KIF13B: variants seen among roughly 807,000 people sequenced by gnomAD.
KIF13B encodes kinesin-like protein KIF13B.
KIF13B carries 127 observed loss-of-function variants against 222.0 expected under a neutral mutation model. That is an observed-to-expected ratio of 0.57 (90% CI 0.50 to 0.66). The LOEUF is 0.66. Ranked by LOEUF, KIF13B falls within the 30% of genes least tolerant of loss-of-function variation. KIF13B has a pLI of 0.00. For synonymous variants in KIF13B, 976 were observed against 919.0 expected (o/e 1.06, Z -1.12); for missense variants, 2,173 against 2,379.0 (o/e 0.91, Z 1.80).
intron 8 of KIF13B, among the ~76,000 whole-genome samples, chr8:29,178,652 T>TTAA (rs376363990): frequency 7.2e-6 from 1 of 139,074 alleles, no homozygotes; most frequent in African/African-American, 2.7e-5. Context: ...TACTTTTAGT[T>TTAA]AAAAAAAAAA....
intron 2 of KIF13B, among the ~76,000 whole-genome samples, chr8:29,243,748 G>A (rs2130644734): frequency 6.6e-6 from 1 of 152,206 alleles, no homozygotes; most frequent in East Asian, 1.9e-4. Context: ...TCTTATCTGG[G>A]TGCCACTTAT....
At chr8:29,245,285 A>G (rs999911343) in intron 2 of KIF13B, 61 bp downstream of exon 2, 1 of 1,115,416 alleles carries the variant, frequency 9.0e-7, no homozygotes, top group Non-Finnish European at 1.3e-6. Flanking sequence ...TTAATTCAGC[A>G]GCCACAGTTG....
chr8:29,117,054 C>T (rs774720314), intron 30 of KIF13B, 47 bp from the exon 31 acceptor site: 20 of 1,496,182 alleles, frequency 1.3e-5, no homozygotes, highest in Non-Finnish European at 1.8e-5. Context: ...TCTCCAGAAA[C>T]ATGAAAACTC....
rs1467204665 is a variant in KIF13B, at chr8:29,099,197, G to A, written c.4260C>T (p.Ser1420=). ...GGGCGGGGGCAGGAGCTATTCCTCT[G>A]GAAACTGTGGTTTGGGATACATCCT... The part of the protein sequence containing the change: ...SQQDVSQTTV[S]RGIAPAPALS... The change falls in exon 36 of 40, where the codon TCC becomes TCT. Residue 1420 remains serine, a synonymous_variant. Coordinates refer to ENST00000524189, the MANE Select transcript of KIF13B (RefSeq NM_015254.4). 1 of 1,613,426 alleles carries A rather than the reference G, an allele frequency of 6.2e-7. No homozygotes were observed. Among genetic ancestry groups the A allele is most frequent in the Admixed American group, 1.7e-5 (1 of 59,966 alleles).
chr8:29,095,885 A>C (rs1404450404), intron 36 of KIF13B, among the ~76,000 whole-genome samples: 1 of 152,260 alleles, frequency 6.6e-6, no homozygotes, highest in Non-Finnish European at 1.5e-5. Flanking sequence ...ATAATCTGAA[A>C]AAAACAAAAC....
intron 4 of KIF13B, chr8:29,190,474 G>A (rs181724221): frequency 1.0e-4 from 16 of 154,288 alleles, no homozygotes; most frequent in African/African-American, 3.9e-4. Context: ...AAGCTCCTGC[G>A]CTTGGGACCC....
At chr8:29,152,035 G>A (rs1036258702) in intron 14 of KIF13B, among the ~76,000 whole-genome samples, 2 of 152,200 alleles carry the variant, frequency 1.3e-5, no homozygotes, top group African/African-American at 4.8e-5. Context: ...TTTGGAAGGA[G>A]TCCAATCATC....
Position 29,160,901 on chromosome 8 carries a change from A to C in KIF13B, c.1270-34T>G, listed in dbSNP as rs192345065. On this transcript the variant is annotated intron_variant, in intron 12 of 39. Transcript: ENST00000524189. ...GTTATCAGAGAAGTATTAATTTCAC[A>C]GCTATTGAGGCAGTGAGATATCCAA... 6.3e-5 allele frequency: 100 copies of C among 1,595,006 alleles called. No individual in the cohort carries two copies. In the African/African-American group the frequency reaches 1.2e-3, roughly 19 times the overall value.
At chr8:29,255,588 ACCTACC>A (rs2130689830) in intron 1 of KIF13B, among the ~76,000 whole-genome samples, 1 of 152,142 alleles carries the variant, frequency 6.6e-6, no homozygotes, top group African/African-American at 2.4e-5. Context: ...AAAAAAAGGT[ACCTACC>A]CCTCCAGGTA....
intron 2 of KIF13B, among the ~76,000 whole-genome samples, chr8:29,231,009 T>C (rs1815260896): frequency 6.6e-6 from 1 of 152,072 alleles, no homozygotes; most frequent in Non-Finnish European, 1.5e-5. Context: ...GCCTCCCAAG[T>C]AGCTGGGACT....
intron 2 of KIF13B, among the ~76,000 whole-genome samples, chr8:29,209,289 G>A (rs890911500): frequency 6.6e-6 from 1 of 152,176 alleles, no homozygotes; most frequent in Non-Finnish European, 1.5e-5. Flanking sequence ...CAGGCTCATG[G>A]AGGGCGAGAA....
intron 37 of KIF13B, among the ~76,000 whole-genome samples, chr8:29,083,683 T>C (rs1178594070): frequency 6.6e-6 from 1 of 152,156 alleles, no homozygotes; most frequent in African/African-American, 2.4e-5. Context: ...CTTTTAACAA[T>C]GACAGGAGTG....
At chr8:29,183,929 A>G (rs1022963926) in intron 6 of KIF13B, among the ~76,000 whole-genome samples, 1 of 152,192 alleles carries the variant, frequency 6.6e-6, no homozygotes, top group African/African-American at 2.4e-5. Flanking sequence ...GACAGCAAGA[A>G]GAGGATAGTT....
intron 2 of KIF13B, among the ~76,000 whole-genome samples, chr8:29,236,909 GTTTT>G (rs1563814830): frequency 6.9e-6 from 1 of 145,794 alleles, no homozygotes; most frequent in Admixed American, 6.9e-5. Context: ...CTGCTTTCCA[GTTTT>G]TTGTTTTGCT....
chr8:29,135,885 T>C (rs912222356), intron 21 of KIF13B, among the ~76,000 whole-genome samples: 4 of 152,176 alleles, frequency 2.6e-5, no homozygotes, highest in Non-Finnish European at 4.4e-5. Flanking sequence ...ACAGAGACTC[T>C]GTCTCAAAAA....
chr8:29,193,037 C>T (rs17059769), intron 3 of KIF13B, among the ~76,000 whole-genome samples: 4 of 152,098 alleles, frequency 2.6e-5, no homozygotes, highest in African/African-American at 9.6e-5. Context: ...ACCGAGAGGA[C>T]GACTGGCTCA....
At chr8:29,159,704 C>T (rs1248427980) in intron 13 of KIF13B, among the ~76,000 whole-genome samples, 1 of 152,158 alleles carries the variant, frequency 6.6e-6, no homozygotes, top group East Asian at 1.9e-4. Flanking sequence ...CCTCCTACCC[C>T]AGCTTTGCCG....
chr8:29,070,815 G>C lies in KIF13B; in HGVS notation c.5219-49C>G, dbSNP rs980354933. Reference sequence around the variant, plus strand: ...ATGGAGGGCAGCCGAGCTGCAGACGGCCCCCTGCACCTCCCTTACCTCTGC... The same window carrying C: ...ATGGAGGGCAGCCGAGCTGCAGACGCCCCCCTGCACCTCCCTTACCTCTGC... On this transcript the variant is annotated intron_variant, in intron 39 of 39. Coordinates refer to ENST00000524189, the MANE Select transcript of KIF13B (RefSeq NM_015254.4). The surrounding 1 kb of genome is among the most constrained non-coding windows in gnomAD (Gnocchi z 4.1). 6.4e-7 allele frequency: 1 copy of C among 1,558,846 alleles called. No homozygotes were observed. The highest frequency in any genetic ancestry group is 1.4e-5 in the African/African-American group (1 of 73,614).
intron 2 of KIF13B, among the ~76,000 whole-genome samples, chr8:29,244,462 C>A (rs1165932854): frequency 6.6e-6 from 1 of 152,204 alleles, no homozygotes; most frequent in African/African-American, 2.4e-5. Context: ...AGGGCCAATA[C>A]AAAAACATCT....
Sources: gnomAD v4.1 joint callset for allele counts (sites outside exome capture counted in the v4.1 genomes callset) on GRCh38, gnomAD v4.1.1 for gene constraint, Gnocchi (gnomAD v3.1) non-coding constraint, MANE v1.5 for transcripts, NCBI Gene and HGNC (gene_info 2026-07-23, HGNC 2026-07-21) for gene names.